The following CHCHD6 variants were observed in gnomAD, a reference collection of about 807,000 sequenced individuals.
The protein encoded by CHCHD6 is MICOS complex subunit MIC25.
A neutral mutation model predicts 32.3 loss-of-function variants in CHCHD6; 28 were observed. The observed-to-expected ratio is 0.87, with a 90% confidence interval of 0.64 to 1.19. CHCHD6 has a LOEUF of 1.19. Among genes scored for constraint, CHCHD6 ranks in the 50% most tolerant of loss-of-function variants. The pLI is 0.00. For synonymous variants in CHCHD6, 122 were observed against 117.5 expected, an observed-to-expected ratio of 1.04 and a Z score of -0.25; for missense variants, 333 against 307.0, an observed-to-expected ratio of 1.08 and a Z score of -0.63.
At chr3:126,767,242 G>A (rs73201775) in intron 4 of CHCHD6, 16,308 of 1,457,298 alleles carry the variant, frequency 0.011, 116 homozygotes, top group Non-Finnish European at 0.014. Flanking sequence ...TTATCTGTGC[G>A]GGGCTGGGGA....
At chr3:126,788,691 A>G (rs1469219601) in intron 4 of CHCHD6, among the ~76,000 whole-genome samples, 3 of 151,824 alleles carry the variant, frequency 2.0e-5, no homozygotes, top group Admixed American at 1.3e-4. Flanking sequence ...TAATTTTTTT[A>G]TTGCATCTAT....
intron 2 of CHCHD6, among the ~76,000 whole-genome samples, chr3:126,727,652 C>T (rs1935598029): frequency 6.6e-6 from 1 of 152,192 alleles, no homozygotes; most frequent in South Asian, 2.1e-4. Flanking sequence ...GAGCTCCTGT[C>T]CTGGCCCTTG....
rs548736912 is a variant in CHCHD6, at chr3:126,755,879, C to T, written c.411+22657C>T. Reference sequence around the variant, plus strand: ...GTGTGTGTGTGTGTGTAGACACAGACATTCCTTATGCCTGGTCCTGGATCA... The same window carrying T: ...GTGTGTGTGTGTGTGTAGACACAGATATTCCTTATGCCTGGTCCTGGATCA... On this transcript the variant is annotated intron_variant, in intron 4 of 7. Coordinates refer to ENST00000290913, the MANE Select transcript of CHCHD6 (RefSeq NM_032343.3). 3.4e-5 allele frequency among the ~76,000 whole-genome samples: 5 copies of T among 147,964 alleles called. No homozygotes were observed. In the East Asian group the frequency reaches 7.7e-4, roughly 23 times the overall value.
chr3:126,776,386 C>G (rs1421605305), intron 4 of CHCHD6, among the ~76,000 whole-genome samples: 1 of 152,188 alleles, frequency 6.6e-6, no homozygotes. Context: ...GCTCTCTTTA[C>G]TTTAGATCCT....
chr3:126,808,541 A>G (rs1939516140), intron 4 of CHCHD6, among the ~76,000 whole-genome samples: 1 of 152,218 alleles, frequency 6.6e-6, no homozygotes, highest in African/African-American at 2.4e-5. Context: ...CATGAGCTTT[A>G]TCAAGTTCAA....
intron 5 of CHCHD6, among the ~76,000 whole-genome samples, chr3:126,895,248 T>G (rs1177812877): frequency 6.6e-6 from 1 of 152,134 alleles, no homozygotes; most frequent in African/African-American, 2.4e-5. Context: ...GAACCCGGAA[T>G]GGTGAGGTGA....
chr3:126,739,071 T>G (rs1936177992), intron 4 of CHCHD6, among the ~76,000 whole-genome samples: 1 of 152,184 alleles, frequency 6.6e-6, no homozygotes, highest in Admixed American at 6.6e-5. Context: ...CCCTTATACC[T>G]CCTCCAGTGT....
intron 4 of CHCHD6, among the ~76,000 whole-genome samples, chr3:126,785,797 A>C (rs1476219050): frequency 6.6e-6 from 1 of 151,998 alleles, no homozygotes; most frequent in East Asian, 1.9e-4. Context: ...GCCCCTGGTA[A>C]TTTCTACTTT....
At chr3:126,897,126 C>T (rs760967120) in intron 5 of CHCHD6, among the ~76,000 whole-genome samples, 67 of 152,216 alleles carry the variant, frequency 4.4e-4, no homozygotes, top group African/African-American at 1.3e-3. Flanking sequence ...CCGTGCTGTT[C>T]GGGGAGAGAG....
chr3:126,792,231 TATATATTCTAATATAGA>T (rs1938580988), intron 4 of CHCHD6, among the ~76,000 whole-genome samples: 1 of 148,678 alleles, frequency 6.7e-6, no homozygotes, highest in Non-Finnish European at 1.5e-5. Context: ...ATACTTAGAA[TATATATTCTAATATAGA>T]ATATATATTC....
intron 4 of CHCHD6, among the ~76,000 whole-genome samples, chr3:126,819,868 A>C (rs1940077184): frequency 6.6e-6 from 1 of 152,244 alleles, no homozygotes; most frequent in Non-Finnish European, 1.5e-5. Flanking sequence ...CTGAAGGAGA[A>C]TTCTCTGCTA....
intron 4 of CHCHD6, among the ~76,000 whole-genome samples, chr3:126,738,381 C>T (rs896114819): frequency 6.6e-6 from 1 of 152,184 alleles, no homozygotes; most frequent in African/African-American, 2.4e-5. Flanking sequence ...TGTATCATGA[C>T]TTTAAGATGT....
chr3:126,787,115 G>T (rs1938255530), intron 4 of CHCHD6, among the ~76,000 whole-genome samples: 1 of 152,118 alleles, frequency 6.6e-6, no homozygotes, highest in Non-Finnish European at 1.5e-5. Flanking sequence ...TGTCAGGTTT[G>T]TCAAAGATCA....
At chr3:126,888,519 T>C (rs2077710221) in intron 5 of CHCHD6, among the ~76,000 whole-genome samples, 1 of 152,144 alleles carries the variant, frequency 6.6e-6, no homozygotes, top group South Asian at 2.1e-4. Flanking sequence ...CTAGGGTCAA[T>C]AAGGGATGTT....
At position 126,836,414 on chromosome 3, in the gene CHCHD6, T is replaced by C. The variant is rs563258591; in HGVS notation, c.412-16233T>C. 4.6e-5 allele frequency among the ~76,000 whole-genome samples: 7 copies of C among 152,304 alleles called. No homozygotes were observed. The South Asian group carries it at 1.5e-3, about 32-fold the overall frequency. On this transcript the variant is annotated intron_variant, in intron 4 of 7. Coordinates refer to ENST00000290913, the MANE Select transcript of CHCHD6 (RefSeq NM_032343.3). ...TCCTGAGAGGGACCTTCTCTGGTCA[T>C]TCCCTATGAATGAGTCCTCACCCCT...
intron 5 of CHCHD6, among the ~76,000 whole-genome samples, chr3:126,912,490 G>C (rs370737855): frequency 6.6e-6 from 1 of 152,206 alleles, no homozygotes; most frequent in African/African-American, 2.4e-5. Flanking sequence ...TATTTATTTC[G>C]TGCCTGTCGT....
At chr3:126,914,587 T>A in intron 5 of CHCHD6, 93 bp from the exon 6 acceptor site, 1 of 781,050 alleles carries the variant, frequency 1.3e-6, no homozygotes, top group South Asian at 1.4e-5. Context: ...GTCAAGAAAT[T>A]AGCATCTGTC....
chr3:126,751,705 G>A (rs1406981821), intron 4 of CHCHD6, among the ~76,000 whole-genome samples: 1 of 152,112 alleles, frequency 6.6e-6, no homozygotes, highest in East Asian at 1.9e-4. Context: ...CCGCAGCATG[G>A]TGTGAATTCA....
chr3:126,892,155 C>G (rs1205133808), intron 5 of CHCHD6, among the ~76,000 whole-genome samples: 1 of 152,226 alleles, frequency 6.6e-6, no homozygotes, highest in Non-Finnish European at 1.5e-5. Flanking sequence ...AGCTCGTCCT[C>G]CTCTGGAGGT....
Sources: gnomAD v4.1 joint callset for allele counts (sites outside exome capture counted in the v4.1 genomes callset) on GRCh38, gnomAD v4.1.1 for gene constraint, MANE v1.5 for transcripts, NCBI Gene and HGNC (gene_info 2026-07-23, HGNC 2026-07-21) for gene names.